Variants in PCNX2 observed in about 807,000 individuals in gnomAD.
PCNX2 encodes pecanex 2.
In PCNX2, 168 loss-of-function variants were observed where a neutral mutation model predicts 223.8. The ratio of observed to expected loss-of-function variants is 0.75; its 90% CI spans 0.66 to 0.85. The LOEUF is 0.85. Among genes scored for constraint, PCNX2 ranks in the 40% least tolerant of loss-of-function variants. The pLI, the probability that PCNX2 is intolerant of heterozygous loss-of-function variation, is 0.00. For synonymous variants in PCNX2, 1,006 were observed against 1,052.6 expected, an observed-to-expected ratio of 0.96 and a Z score of 0.86; for missense variants, 2,507 against 2,675.5, an observed-to-expected ratio of 0.94 and a Z score of 1.39.
intron 1 of PCNX2, among the ~76,000 whole-genome samples, chr1:233,286,510 G>T (rs1160513548): frequency 6.6e-6 from 1 of 152,152 alleles, no homozygotes; most frequent in Non-Finnish European, 1.5e-5. Flanking sequence ...ACGTTGACAT[G>T]GACTATGTAC....
intron 1 of PCNX2, among the ~76,000 whole-genome samples, chr1:233,265,278 T>C (rs573753332): frequency 4.3e-4 from 66 of 152,034 alleles, no homozygotes; most frequent in South Asian, 8.3e-4. Flanking sequence ...CAAGAGATTG[T>C]TGAATTTTCA....
intron 23 of PCNX2, among the ~76,000 whole-genome samples, chr1:233,070,662 C>T (rs1213921417): frequency 1.3e-5 from 2 of 150,012 alleles, no homozygotes; most frequent in African/African-American, 2.5e-5. Flanking sequence ...AGACCCAATA[C>T]TATTCATGAT....
At position 232,986,173 on chromosome 1, in the gene PCNX2, G is replaced by GC. The variant is rs755011720; in HGVS notation, c.6158dup (p.Asn2054GlnfsTer4). On this transcript the variant is annotated frameshift_variant, in exon 33 of 34. Coordinates refer to ENST00000258229, the MANE Select transcript of PCNX2 (RefSeq NM_014801.4). LOFTEE classifies it high-confidence loss of function. Reference sequence around the variant, plus strand: ...TGGATGACTGGGTGTCACTGGTATTGCCCCCCTCCGCAGCAGAGAGTCCGG... The same window carrying GC: ...TGGATGACTGGGTGTCACTGGTATTGCCCCCCCTCCGCAGCAGAGAGTCCGG... 4 of 1,563,906 alleles carry GC rather than the reference G, an allele frequency of 2.6e-6. No homozygotes were observed. The highest frequency in any genetic ancestry group is 1.4e-5 in the African/African-American group (1 of 73,916).
intron 23 of PCNX2, among the ~76,000 whole-genome samples, chr1:233,084,989 A>G (rs913489591): frequency 6.6e-6 from 1 of 152,224 alleles, no homozygotes; most frequent in Non-Finnish European, 1.5e-5. Flanking sequence ...GTGAAGCCAG[A>G]TTAGGATTTC....
At chr1:233,131,449 CTT>C (rs1389601682) in intron 21 of PCNX2, among the ~76,000 whole-genome samples, 1 of 152,174 alleles carries the variant, frequency 6.6e-6, no homozygotes, top group Non-Finnish European at 1.5e-5. Flanking sequence ...CAGGCAGAAT[CTT>C]TACAGGGGAC....
intron 31 of PCNX2, 25 bp downstream of exon 31, chr1:232,999,080 A>G: frequency 1.3e-6 from 2 of 1,579,284 alleles, no homozygotes; most frequent in Non-Finnish European, 1.7e-6. Flanking sequence ...GCATCTGGAC[A>G]GAGGCATTTG....
At chr1:233,068,347 T>G (rs1672707739) in intron 23 of PCNX2, among the ~76,000 whole-genome samples, 1 of 151,736 alleles carries the variant, frequency 6.6e-6, no homozygotes, top group South Asian at 2.1e-4. Context: ...AAATAATAGG[T>G]AAATAATGTC....
intron 10 of PCNX2, among the ~76,000 whole-genome samples, chr1:233,224,322 T>C (rs1057456690): frequency 3.3e-5 from 5 of 152,152 alleles, no homozygotes; most frequent in South Asian, 2.1e-4. Context: ...CTGAGTAGAA[T>C]AGGTGGAGAA....
rs749748261 is a variant in PCNX2, at chr1:233,160,407, G to A, written c.3393C>T (p.Ala1131=). ...TTACAAACCCCACGGCTCCAGCCAA[G>A]GCAAACAGCACGATGCTGAGAAATG... ...LRPFLSIVLF[A]LAGAVGFVTH... Residue 1131 remains alanine, a synonymous_variant, in exon 19 of 34, where the codon GCC becomes GCT. Transcript: ENST00000258229. 5.8e-5 allele frequency: 93 copies of A among 1,613,638 alleles called. 1 individual carries two copies. Among genetic ancestry groups the A allele is most frequent in the Non-Finnish European group, 1.6e-5 (19 of 1,179,708 alleles).
intron 25 of PCNX2, among the ~76,000 whole-genome samples, chr1:233,037,721 A>G (rs549343236): frequency 1.3e-5 from 2 of 152,172 alleles, no homozygotes; most frequent in Non-Finnish European, 2.9e-5. Context: ...ATAATTTATA[A>G]CTTGTTTGAT....
chr1:233,035,206 T>A (rs1007855241), intron 25 of PCNX2, among the ~76,000 whole-genome samples: 2 of 152,194 alleles, frequency 1.3e-5, no homozygotes, highest in Non-Finnish European at 2.9e-5. Flanking sequence ...GCCATTAAAG[T>A]CGAAACGCAC....
chr1:232,985,916 A>G (rs1669456532), intron 33 of PCNX2, 176 bp downstream of exon 33: 2 of 702,646 alleles, frequency 2.8e-6, no homozygotes, highest in Non-Finnish European at 5.0e-6. Flanking sequence ...TGCTTTCAAG[A>G]GCAGCTAAGC....
In PCNX2 at chr1:233,258,384, A is replaced by G. The variant is rs372365827; in HGVS notation, c.1478T>C (p.Val493Ala). The G allele has an allele frequency of 4.3e-6, 7 of 1,613,914 alleles. No homozygotes were observed. Among genetic ancestry groups the G allele is most frequent in the Non-Finnish European group, 5.9e-6 (7 of 1,179,858 alleles). ...GCCTGTATCAGGTGTAAGCCGGGAC[A>G]CCGATTCCCAGGGTTCCCGTGATGA... ...SSSSREPWESVSRLTPDTGSE... is the reference protein window; with the variant it reads ...SSSSREPWESASRLTPDTGSE... Residue 493 changes from valine (V) to alanine (A), a missense_variant, in exon 5 of 34, where the codon GTG becomes GCG. By Grantham distance (64) the Val-to-Ala change is moderately conservative. Around this residue, in one of 3 missense-constraint regions of PCNX2, gnomAD observed 1,031 missense variants for 1,021.7 expected, o/e 1.01. Transcript: ENST00000258229.
chr1:233,023,064 G>T (rs1455743232), intron 26 of PCNX2, among the ~76,000 whole-genome samples: 1 of 152,120 alleles, frequency 6.6e-6, no homozygotes, highest in Non-Finnish European at 1.5e-5. Flanking sequence ...TGGCTGTCTA[G>T]ACCCACACTG....
Position 233,095,871 on chromosome 1 carries a change from T to A in PCNX2, c.3838-8A>T, listed in dbSNP as rs776658763. The A allele has an allele frequency of 1.1e-5, 18 of 1,579,806 alleles. No homozygotes were observed. Among genetic ancestry groups the A allele is most frequent in the Admixed American group, 7.1e-5 (4 of 56,166 alleles). ...GTGAAGCAGGTCCCCGAGCTGAAAG[T>A]AAAAGAAAAAAAATTCATCAGAGAG... On this transcript the variant is annotated splice_polypyrimidine_tract_variant and splice_region_variant and intron_variant, in intron 21 of 33. Transcript: ENST00000258229.
chr1:233,152,749 C>A (rs1299120868), intron 19 of PCNX2, among the ~76,000 whole-genome samples: 3 of 152,226 alleles, frequency 2.0e-5, no homozygotes, highest in African/African-American at 4.8e-5. Flanking sequence ...AGGCACCCAC[C>A]TCAGCCTCCC....
intron 15 of PCNX2, among the ~76,000 whole-genome samples, chr1:233,183,989 A>C (rs1416541669): frequency 1.3e-5 from 2 of 152,206 alleles, no homozygotes; most frequent in African/African-American, 4.8e-5. Flanking sequence ...GGCTTCTCTT[A>C]TTTCATTTCA....
intron 8 of PCNX2, among the ~76,000 whole-genome samples, chr1:233,250,072 G>C (rs1398815887): frequency 1.3e-5 from 2 of 152,130 alleles, no homozygotes; most frequent in Admixed American, 6.5e-5. Flanking sequence ...TTCTAAAGAA[G>C]CATACATGAA....
At chr1:233,226,906 C>T (rs943164362) in intron 10 of PCNX2, among the ~76,000 whole-genome samples, 1 of 152,160 alleles carries the variant, frequency 6.6e-6, no homozygotes, top group Non-Finnish European at 1.5e-5. Context: ...CCAAAGCATG[C>T]TACTGTGCCC....
Sources: gnomAD v4.1 joint callset for allele counts (sites outside exome capture counted in the v4.1 genomes callset) on GRCh38, gnomAD v4.1.1 for gene constraint, gnomAD v4.1.1 regional missense constraint, MANE v1.5 for transcripts, NCBI Gene and HGNC (gene_info 2026-07-23, HGNC 2026-07-21) for gene names.